Variants in SRD5A2 observed in about 807,000 individuals in gnomAD.
SRD5A2 encodes the protein 3-oxo-5-alpha-steroid 4-dehydrogenase 2.
Under a neutral mutation model 27.4 loss-of-function variants are expected in SRD5A2, and 30 were observed. That is an observed-to-expected ratio of 1.10 (90% CI 0.82 to 1.49). The LOEUF is 1.49. SRD5A2 is among the 40% of genes most tolerant of loss of function. SRD5A2 has a pLI of 0.00. For synonymous variants in SRD5A2, 141 were observed against 133.6 expected, an observed-to-expected ratio of 1.06 and a Z score of -0.38; for missense variants, 348 against 323.4, an observed-to-expected ratio of 1.08 and a Z score of -0.58.
chr2:31,528,477 C>G (rs1312142117), intron 4 of SRD5A2, among the ~76,000 whole-genome samples: 2 of 152,180 alleles, frequency 1.3e-5, no homozygotes, highest in East Asian at 3.9e-4. Context: ...TGCCTCAGAA[C>G]ATCTGTGGAG....
chr2:31,562,303 T>C (rs1666641100), intron 1 of SRD5A2, among the ~76,000 whole-genome samples: 1 of 152,160 alleles, frequency 6.6e-6, no homozygotes, highest in African/African-American at 2.4e-5. Flanking sequence ...GATATTTTGA[T>C]ACAAGGATGC....
chr2:31,647,370 A>G, the SRD5A2 span, among the ~76,000 whole-genome samples: 1 of 152,224 alleles, frequency 6.6e-6, no homozygotes. Context: ...ACACATGTGC[A>G]GTAATATTAA....
At chr2:31,577,792 T>G (rs78373937) in intron 1 of SRD5A2, among the ~76,000 whole-genome samples, 4 of 152,122 alleles carry the variant, frequency 2.6e-5, no homozygotes, top group African/African-American at 9.7e-5. Context: ...GAAACAGATA[T>G]GTATGATTAT....
chr2:31,531,666 T>C (rs1380361530), intron 2 of SRD5A2, among the ~76,000 whole-genome samples, 194 bp from the exon 3 acceptor site: 3 of 149,666 alleles, frequency 2.0e-5, no homozygotes, highest in African/African-American at 7.4e-5. Context: ...TGCTGTTTCC[T>C]AGACTTGGGC....
At chr2:31,616,021 T>A in the SRD5A2 span, among the ~76,000 whole-genome samples, 1 of 151,970 alleles carries the variant, frequency 6.6e-6, no homozygotes, top group Non-Finnish European at 1.5e-5. Flanking sequence ...GTCAAGAATT[T>A]AGGTTTGGGA....
At chr2:31,561,621 C>T (rs1666626478) in intron 1 of SRD5A2, among the ~76,000 whole-genome samples, 1 of 152,172 alleles carries the variant, frequency 6.6e-6, no homozygotes, top group Non-Finnish European at 1.5e-5. Context: ...GACCTTGGAA[C>T]TGTCCACTCA....
At chr2:31,648,395 C>A in the SRD5A2 span, among the ~76,000 whole-genome samples, 1 of 152,078 alleles carries the variant, frequency 6.6e-6, no homozygotes, top group Non-Finnish European at 1.5e-5. Flanking sequence ...GGAGTGATTC[C>A]CTTAGTAATT....
chr2:31,584,109 G>A (rs377070094), upstream of SRD5A2, among the ~76,000 whole-genome samples: 11 of 152,286 alleles, frequency 7.2e-5, no homozygotes, highest in East Asian at 1.9e-3. Context: ...CCTGATAAAG[G>A]AAGTGGTTGG....
At chr2:31,654,612 A>AAAAT in the SRD5A2 span, among the ~76,000 whole-genome samples, 991 of 152,278 alleles carry the variant, frequency 6.5e-3, 15 homozygotes, top group African/African-American at 0.022. Flanking sequence ...CTTGGATTCT[A>AAAAT]AAATAAATAA....
chr2:31,566,225 A>G (rs1666725521), intron 1 of SRD5A2, among the ~76,000 whole-genome samples: 1 of 152,160 alleles, frequency 6.6e-6, no homozygotes, highest in African/African-American at 2.4e-5. Flanking sequence ...GATGAAATTC[A>G]AAGCAATAAA....
intron 1 of SRD5A2, among the ~76,000 whole-genome samples, chr2:31,558,098 A>G (rs1257603000): frequency 1.3e-5 from 2 of 152,188 alleles, no homozygotes; most frequent in African/African-American, 4.8e-5. Context: ...CAGCAAACAT[A>G]AAAATCGGGG....
chr2:31,649,032 T>C, the SRD5A2 span, among the ~76,000 whole-genome samples: 1 of 152,182 alleles, frequency 6.6e-6, no homozygotes, highest in Admixed American at 6.5e-5. Flanking sequence ...GCCCTCTAAA[T>C]TATCAGATGC....
intron 1 of SRD5A2, among the ~76,000 whole-genome samples, chr2:31,535,303 A>C (rs1666003173): frequency 6.6e-6 from 1 of 152,176 alleles, no homozygotes; most frequent in African/African-American, 2.4e-5. Context: ...TACAGGCATG[A>C]GCCACCGCGC....
the SRD5A2 span, among the ~76,000 whole-genome samples, chr2:31,645,524 G>A: frequency 6.6e-6 from 1 of 152,102 alleles, no homozygotes; most frequent in African/African-American, 2.4e-5. Context: ...ATTCTCGTTA[G>A]TTCAATTTGT....
chr2:31,598,530 T>C, the SRD5A2 span, among the ~76,000 whole-genome samples: 1 of 151,926 alleles, frequency 6.6e-6, no homozygotes, highest in South Asian at 2.1e-4. Flanking sequence ...AAATAACACA[T>C]AGAGTTTCTA....
the SRD5A2 span, among the ~76,000 whole-genome samples, chr2:31,638,073 A>T: frequency 6.6e-6 from 1 of 152,046 alleles, no homozygotes; most frequent in African/African-American, 2.4e-5. Flanking sequence ...ATTGCCATAA[A>T]CTTCCCTGTT....
At chr2:31,661,385 A>T in the SRD5A2 span, among the ~76,000 whole-genome samples, 350 of 152,254 alleles carry the variant, frequency 2.3e-3, 2 homozygotes, top group Admixed American at 5.8e-3. Context: ...GCCTTTCAGT[A>T]AGCCTGCCAG....
the SRD5A2 span, among the ~76,000 whole-genome samples, chr2:31,646,269 A>T: frequency 7.9e-5 from 12 of 152,248 alleles, no homozygotes; most frequent in Non-Finnish European, 1.2e-4. Flanking sequence ...ATCGCCTTCA[A>T]GATGTGAAAC....
At chr2:31,621,173 T>C in the SRD5A2 span, among the ~76,000 whole-genome samples, 1 of 151,930 alleles carries the variant, frequency 6.6e-6, no homozygotes, top group Non-Finnish European at 1.5e-5. Flanking sequence ...AACCAGATTA[T>C]TGACATTGAT....
Sources: allele counts gnomAD v4.1 joint callset (sites outside exome capture counted in the v4.1 genomes callset), GRCh38; gene constraint gnomAD v4.1.1; transcripts MANE v1.5; gene names NCBI Gene and HGNC (gene_info 2026-07-23, HGNC 2026-07-21).